The following TIGD5 variants were observed in gnomAD, a reference collection of about 807,000 sequenced individuals.
TIGD5 encodes the protein tigger transposable element-derived protein 5.
Under a neutral mutation model 28.8 loss-of-function variants are expected in TIGD5, and 24 were observed. The observed-to-expected ratio is 0.83, with a 90% CI of 0.60 to 1.17. TIGD5 has a LOEUF of 1.17. Among genes scored for constraint, TIGD5 ranks in the 50% most tolerant of loss-of-function variants. The pLI is 0.00. For missense variants in TIGD5, 922 were observed against 911.4 expected (o/e 1.01, Z -0.15); for synonymous variants, 538 against 430.5 (o/e 1.25, Z -3.09).
Position 143,601,764 on chromosome 8 carries a change from C to T in TIGD5, c.*1932C>T, listed in dbSNP as rs10112966. ...GGCCTGTCCCCCAGTCCCTCAATGG[C>T]CACTTTCTATAAACAAGGCAGCACT... On this transcript the variant is annotated 3_prime_UTR_variant, in exon 1 of 1. Transcript: ENST00000504548. The T allele has an allele frequency of 0.68, 103,657 of 152,158 alleles. 36,875 individuals are homozygous for T. Among genetic ancestry groups the T allele is most frequent in the Non-Finnish European group, 0.79 (53,791 of 68,008 alleles). 9.4% of individuals were successfully genotyped at this position (152,158 alleles called of 1,614,324 possible). A position where few individuals can be genotyped will look rare whatever the true frequency, so the allele number is the denominator to read the frequency against.
chr8:143,599,225 C>G lies in TIGD5; in HGVS notation c.1322C>G (p.Ala441Gly). The change falls in exon 1 of 1, where the codon GCC (alanine) becomes GGC (glycine). Residue 441 changes from alanine (A) to glycine (G), a missense_variant. This residue lies in a region of TIGD5 where 821 missense variants were observed against 815.2 expected (regional missense o/e 1.01). Coordinates refer to ENST00000504548, the MANE Select transcript of TIGD5 (RefSeq NM_032862.5). Reference protein sequence around the residue: ...RELLRLAVSCASGSPLDFMRS... With the variant: ...RELLRLAVSCGSGSPLDFMRS... Reference sequence around the variant, plus strand: ...CTGCTGCGACTGGCTGTGTCCTGCGCCAGCGGCTCCCCGCTGGACTTCATG... The same window carrying G: ...CTGCTGCGACTGGCTGTGTCCTGCGGCAGCGGCTCCCCGCTGGACTTCATG... 5 of 1,611,680 alleles carry G rather than the reference C, an allele frequency of 3.1e-6. No homozygotes were observed. The highest frequency in any genetic ancestry group is 4.2e-6 in the Non-Finnish European group (5 of 1,179,698).
Position 143,599,256 on chromosome 8 carries a change from C to T in TIGD5, c.1353C>T (p.Ser451=). ...GCTCCCCGCTGGACTTCATGCGCAGCTTCATGCTCAAGGACATGCTCTACC... is the reference window on the plus strand; with the variant it reads ...GCTCCCCGCTGGACTTCATGCGCAGTTTCATGCTCAAGGACATGCTCTACC... ...ASGSPLDFMR[S]FMLKDMLYLA... Residue 451 remains serine, a synonymous_variant, in exon 1 of 1, where the codon AGC becomes AGT. Coordinates refer to ENST00000504548, the MANE Select transcript of TIGD5 (RefSeq NM_032862.5). 1 of 1,611,654 alleles carries T rather than the reference C, an allele frequency of 6.2e-7. No homozygotes were observed. The highest frequency in any genetic ancestry group is 1.1e-5 in the South Asian group (1 of 90,878).
In TIGD5 at chr8:143,598,558, C is replaced by T. The variant is rs1279007421; in HGVS notation, c.655C>T (p.Arg219Cys). Reference protein sequence around the residue: ...LPSGAGPLPDRAPAPPPPAEG... With the variant: ...LPSGAGPLPDCAPAPPPPAEG... ...CTCCGGCGCCGGCCCCCTGCCCGAC[C>T]GCGCCCCGGCCCCGCCGCCCCCGGC... The change falls in exon 1 of 1, where the codon CGC becomes TGC. Residue 219 changes from arginine (R) to cysteine (C), a missense_variant. Around this residue, in one of 3 missense-constraint regions of TIGD5, gnomAD observed 821 missense variants for 815.2 expected, o/e 1.01. Coordinates refer to ENST00000504548, the MANE Select transcript of TIGD5 (RefSeq NM_032862.5). This position sits in a 1 kb window ranked among gnomAD's most constrained non-coding sequence, Gnocchi z 6.6. The T allele has an allele frequency of 1.5e-5, 20 of 1,313,142 alleles. No homozygotes were observed. The highest frequency in any genetic ancestry group is 1.8e-5 in the Non-Finnish European group (19 of 1,038,756). 81.3% of individuals were successfully genotyped at this position (1,313,142 alleles called of 1,614,324 possible).
Position 143,599,613 on chromosome 8 carries a change from C to T in TIGD5, c.1710C>T (p.Gly570=), listed in dbSNP as rs750707019. 40 of 1,525,140 alleles carry T rather than the reference C, an allele frequency of 2.6e-5. 1 individual carries two copies. In the South Asian group the frequency reaches 3.6e-4, roughly 14 times the overall value. 94.5% of individuals were successfully genotyped at this position (1,525,140 alleles called of 1,614,324 possible). ...CCAGTCTGCCCTCTGCCATGGGGGG[C>T]GGAGAGGACGAGGAGGAGGCCACCG... ...APASLPSAMG[G]GEDEEEATDY... is the part of the protein sequence containing the mutation. Residue 570 remains glycine (G), a synonymous_variant, in exon 1 of 1, where the codon GGC becomes GGT. Transcript: ENST00000504548.
rs200439426 is a variant in TIGD5, at chr8:143,598,782, C to T, written c.879C>T (p.Val293=). 1.6e-4 allele frequency: 253 copies of T among 1,596,936 alleles called. 2 individuals carry two copies. The highest frequency in any genetic ancestry group is 6.6e-4 in the Middle Eastern group (4 of 6,068). Residue 293 remains valine, a synonymous_variant, in exon 1 of 1, where the codon GTC becomes GTT. Coordinates refer to ENST00000504548, the MANE Select transcript of TIGD5 (RefSeq NM_032862.5). The surrounding 1 kb of genome is among the most constrained non-coding windows in gnomAD (Gnocchi z 6.6). The stretch of plus-strand genomic sequence containing the variant: ...GCAGCCACAAGCTGAAGCCGCTGGT[C>T]ATCGGGCGGCTGCCGGACCCGCCCA... ...LTGSHKLKPL[V]IGRLPDPPSL...
chr8:143,598,942 A>C lies in TIGD5; in HGVS notation c.1039A>C (p.Ser347Arg). 1 of 1,586,946 alleles carries C rather than the reference A, an allele frequency of 6.3e-7. No individual in the cohort carries two copies. The highest frequency in any genetic ancestry group is 1.1e-5 in the South Asian group (1 of 88,896). ...VPGVKRYLRR[S>R]CLQQKAVLLV... ...AGGCGTCAAACGCTACCTGCGCCGA[A>C]GCTGCCTGCAGCAGAAGGCCGTGCT... The change falls in exon 1 of 1, where the codon AGC becomes CGC. Residue 347 changes from serine (S) to arginine (R), a missense_variant. Coordinates refer to ENST00000504548, the MANE Select transcript of TIGD5 (RefSeq NM_032862.5). This position sits in a 1 kb window ranked among gnomAD's most constrained non-coding sequence, Gnocchi z 6.6.
Position 143,599,757 on chromosome 8 carries a change from G to T in TIGD5, c.1854G>T (p.Leu618Phe). The change falls in exon 1 of 1, where the codon TTG (leucine) becomes TTT (phenylalanine). Residue 618 changes from leucine to phenylalanine, a missense_variant. By Grantham distance (22) the Leu-to-Phe change is conservative. Transcript: ENST00000504548. ...TGGGGCCACTGAGGCTGGTGCAGTT[G>T]CGCTCACTCATCAGCATGGCCCGGA... ...REVGPLRLVQ[L>F]RSLISMARRL... 1.3e-6 allele frequency: 2 copies of T among 1,495,928 alleles called. No individual in the cohort carries two copies. The highest frequency in any genetic ancestry group is 1.8e-6 in the Non-Finnish European group (2 of 1,131,222). The allele number at this position is 1,495,928 out of a possible 1,614,324, so 92.7% of individuals were successfully genotyped here. A position where few individuals can be genotyped will look rare whatever the true frequency, so the allele number is the denominator to read the frequency against.
Position 143,597,897 on chromosome 8 carries a change from C to T in TIGD5, c.-7C>T. 3.5e-6 allele frequency: 3 copies of T among 865,314 alleles called. No homozygotes were observed. The highest frequency in any genetic ancestry group is 4.1e-6 in the Non-Finnish European group (3 of 723,006). The allele number at this position is 865,314 out of a possible 1,614,324, so 53.6% of individuals were successfully genotyped here. A position where few individuals can be genotyped will look rare whatever the true frequency, so the allele number is the denominator to read the frequency against. ...CCCGCGCGGCCCGGGTCCCCCCCGC[C>T]GCAGCCATGTACCCCGCGGGCCCCC... On this transcript the variant is annotated 5_prime_UTR_variant, in exon 1 of 1. Coordinates refer to ENST00000504548, the MANE Select transcript of TIGD5 (RefSeq NM_032862.5).
Position 143,599,771 on chromosome 8 carries a change from G to C in TIGD5, c.1868G>C (p.Ser623Thr). 6.7e-7 allele frequency: 1 copy of C among 1,489,716 alleles called. No homozygotes were observed. The highest frequency in any genetic ancestry group is 8.9e-7 in the Non-Finnish European group (1 of 1,128,578). The allele number at this position is 1,489,716 out of a possible 1,614,324, so 92.3% of individuals were successfully genotyped here. Residue 623 changes from serine to threonine, a missense_variant, in exon 1 of 1, where the codon AGC becomes ACC. Ser to Thr is a moderately conservative substitution (Grantham distance 58, BLOSUM62 1). Coordinates refer to ENST00000504548, the MANE Select transcript of TIGD5 (RefSeq NM_032862.5). ...LRLVQLRSLI[S>T]MARRLGGIGH... is the part of the protein sequence containing the mutation. ...CTGGTGCAGTTGCGCTCACTCATCAGCATGGCCCGGAGGCTGGGGGGCATC... is the reference window on the plus strand; with the variant it reads ...CTGGTGCAGTTGCGCTCACTCATCACCATGGCCCGGAGGCTGGGGGGCATC...
chr8:143,597,972 CGCGCCCG>C lies in TIGD5; in HGVS notation c.70_76del (p.Ala24ProfsTer23). 1.1e-6 allele frequency: 1 copy of C among 921,008 alleles called. No individual in the cohort carries two copies. Among genetic ancestry groups the C allele is most frequent in the Non-Finnish European group, 1.3e-6 (1 of 768,376 alleles). 57.1% of individuals were successfully genotyped at this position (921,008 alleles called of 1,614,324 possible). ...GCCGCCGTCCCCTGCCCGGGCCCCCCGCGCCCGCCCCAGCCCCCGTCCCCGCTGCACG... is the reference window on the plus strand; with the variant it reads ...GCCGCCGTCCCCTGCCCGGGCCCCCCCCCCAGCCCCCGTCCCCGCTGCACG... On this transcript the variant is annotated frameshift_variant, in exon 1 of 1. Transcript: ENST00000504548. LOFTEE classifies it high-confidence loss of function.
chr8:143,599,152 C>T lies in TIGD5; in HGVS notation c.1249C>T (p.Leu417=), dbSNP rs1445437907. 2.5e-6 allele frequency: 4 copies of T among 1,604,594 alleles called. No individual in the cohort carries two copies. Among genetic ancestry groups the T allele is most frequent in the Non-Finnish European group, 3.4e-6 (4 of 1,176,604 alleles). Residue 417 remains leucine (L), a synonymous_variant, in exon 1 of 1, where the codon CTG becomes TTG. Transcript: ENST00000504548. ...CAGCCGGGCACATATCCCCGCACCG[C>T]TGGAGCAGGGCGTGGTGGCCGCCTT... is the stretch of plus-strand genomic sequence containing the variant. ...GSSRAHIPAP[L]EQGVVAAFKQ...
Position 143,599,311 on chromosome 8 carries a change from G to C in TIGD5, c.1408G>C (p.Ala470Pro). 6.2e-7 allele frequency: 1 copy of C among 1,605,842 alleles called. No individual in the cohort carries two copies. The highest frequency in any genetic ancestry group is 8.5e-7 in the Non-Finnish European group (1 of 1,176,940). Residue 470 changes from alanine to proline, a missense_variant, in exon 1 of 1, where the codon GCG becomes CCG. Ala to Pro is a conservative substitution (Grantham distance 27). Transcript: ENST00000504548. ...TGGCCTCTCCTGGGACCTGGTGCAG[G>C]CGGGCAGCATTGAGCGCTGCTGGCT... is the stretch of plus-strand genomic sequence containing the variant. Reference protein sequence around the residue: ...LAGLSWDLVQAGSIERCWLLG... With the variant: ...LAGLSWDLVQPGSIERCWLLG...
In TIGD5 at chr8:143,599,818, T is replaced by C. The variant is rs545594878; in HGVS notation, c.1915T>C (p.Tyr639His). The C allele has an allele frequency of 2.4e-4, 362 of 1,477,860 alleles. 4 individuals are homozygous for C. The Middle Eastern group carries it at 3.4e-3, about 14-fold the overall frequency. 91.5% of individuals were successfully genotyped at this position (1,477,860 alleles called of 1,614,324 possible). The change falls in exon 1 of 1, where the codon TAT becomes CAT. Residue 639 changes from tyrosine to histidine, a missense_variant. Tyr to His is a moderately conservative substitution (Grantham distance 83, BLOSUM62 2). Around this residue, in one of 3 missense-constraint regions of TIGD5, gnomAD observed 821 missense variants for 815.2 expected, o/e 1.01. Transcript: ENST00000504548. Reference sequence around the variant, plus strand: ...CATCGGGCATACCCCAGCAGGCCCCTATGACGGTGTGTGACCAGGCCAGCC... The same window carrying C: ...CATCGGGCATACCCCAGCAGGCCCCCATGACGGTGTGTGACCAGGCCAGCC... ...GGIGHTPAGP[Y>H]DGV
rs748991163 is a variant in TIGD5 at position 143,598,768 on chromosome 8, C to T, written c.865C>T (p.Leu289=). 3.1e-6 allele frequency: 5 copies of T among 1,592,884 alleles called. No homozygotes were observed. In the South Asian group the frequency reaches 4.5e-5, roughly 14 times the overall value. The change falls in exon 1 of 1, where the codon CTG becomes TTG. Residue 289 remains leucine (L), a synonymous_variant. Transcript: ENST00000504548. The surrounding 1 kb of genome is among the most constrained non-coding windows in gnomAD (Gnocchi z 6.6). The part of the protein sequence containing the change: ...LAANLTGSHK[L]KPLVIGRLPD... The stretch of plus-strand genomic sequence containing the variant: ...CGCAAACCTGACCGGCAGCCACAAG[C>T]TGAAGCCGCTGGTCATCGGGCGGCT...
Position 143,601,235 on chromosome 8 carries a change from A to C in TIGD5, c.*1403A>C, listed in dbSNP as rs1368212912. 1 of 152,170 alleles carries C rather than the reference A, an allele frequency of 6.6e-6. No homozygotes were observed. Among genetic ancestry groups the C allele is most frequent in the Admixed American group, 6.5e-5 (1 of 15,274 alleles). 9.4% of individuals were successfully genotyped at this position (152,170 alleles called of 1,614,324 possible). A position where few individuals can be genotyped will look rare whatever the true frequency, so the allele number is the denominator to read the frequency against. ...AAGAAATATATACATATATATGTAT[A>C]TATCTATATCTCAAAATCTGAGAGC... On this transcript the variant is annotated 3_prime_UTR_variant, in exon 1 of 1. Transcript: ENST00000504548.
Position 143,599,790 on chromosome 8 carries a change from G to T in TIGD5, c.1887G>T (p.Gly629=). 6.7e-7 allele frequency: 1 copy of T among 1,485,058 alleles called. No homozygotes were observed. Among genetic ancestry groups the T allele is most frequent in the Middle Eastern group, 1.8e-4 (1 of 5,538 alleles). 92.0% of individuals were successfully genotyped at this position (1,485,058 alleles called of 1,614,324 possible). A position where few individuals can be genotyped will look rare whatever the true frequency, so the allele number is the denominator to read the frequency against. The change falls in exon 1 of 1, where the codon GGG becomes GGT. Residue 629 remains glycine (G), a synonymous_variant. Transcript: ENST00000504548. ...TCATCAGCATGGCCCGGAGGCTGGG[G>T]GGCATCGGGCATACCCCAGCAGGCC... The part of the protein sequence containing the change: ...RSLISMARRL[G]GIGHTPAGPY...
Position 143,598,513 on chromosome 8 carries a change from AAGG to A in TIGD5, c.616_618del (p.Glu206del). The A allele has an allele frequency of 7.4e-7, 1 of 1,359,498 alleles. No individual in the cohort carries two copies. Among genetic ancestry groups the A allele is most frequent in the Non-Finnish European group, 9.4e-7 (1 of 1,063,004 alleles). 84.2% of individuals were successfully genotyped at this position (1,359,498 alleles called of 1,614,324 possible). On this transcript the variant is annotated inframe_deletion, in exon 1 of 1. Coordinates refer to ENST00000504548, the MANE Select transcript of TIGD5 (RefSeq NM_032862.5). The surrounding 1 kb of genome is among the most constrained non-coding windows in gnomAD (Gnocchi z 6.6). Reference sequence around the variant, plus strand: ...GAGCCCCGCGCCCGGCCCGCCCGTCAAGGAGGAGCCCGCGCTGCCCTCCGGCGC... The same window carrying A: ...GAGCCCCGCGCCCGGCCCGCCCGTCAAGGAGCCCGCGCTGCCCTCCGGCGC...
chr8:143,598,731 G>T lies in TIGD5; in HGVS notation c.828G>T (p.Thr276=). 1 of 1,539,628 alleles carries T rather than the reference G, an allele frequency of 6.5e-7. No homozygotes were observed. Among genetic ancestry groups the T allele is most frequent in the Non-Finnish European group, 8.7e-7 (1 of 1,149,164 alleles). The change falls in exon 1 of 1, where the codon ACG becomes ACT. Residue 276 remains threonine, a synonymous_variant. Coordinates refer to ENST00000504548, the MANE Select transcript of TIGD5 (RefSeq NM_032862.5). The surrounding 1 kb of genome is among the most constrained non-coding windows in gnomAD (Gnocchi z 6.6). The part of the protein sequence containing the change: ...CGRRWRGDRV[T]VLLAANLTGS... ...GGCGCTGGCGGGGCGACCGCGTAAC[G>T]GTGCTGCTGGCCGCAAACCTGACCG...
At position 143,599,478 on chromosome 8, in the gene TIGD5, T is replaced by G; in HGVS notation, c.1575T>G (p.Ala525=). 6.3e-7 allele frequency: 1 copy of G among 1,592,360 alleles called. No individual in the cohort carries two copies. Among genetic ancestry groups the G allele is most frequent in the Non-Finnish European group, 8.5e-7 (1 of 1,170,338 alleles). Residue 525 remains alanine, a synonymous_variant, in exon 1 of 1, where the codon GCT becomes GCG. Transcript: ENST00000504548. Reference sequence around the variant, plus strand: ...CGGCTCTGGCCTACAAGTGCCTGGCTCCGGAGGAGGTTGCGGAGTGGCTGC... The same window carrying G: ...CGGCTCTGGCCTACAAGTGCCTGGCGCCGGAGGAGGTTGCGGAGTGGCTGC... ...HLAALAYKCL[A]PEEVAEWLHL...
Sources: allele counts gnomAD v4.1 joint callset, GRCh38; gene constraint gnomAD v4.1.1; regional missense constraint gnomAD v4.1.1; non-coding constraint Gnocchi (gnomAD v3.1); transcripts MANE v1.5; gene names NCBI Gene and HGNC (gene_info 2026-07-23, HGNC 2026-07-21).